The following SAMD12 variants were observed in gnomAD, a reference collection of about 807,000 sequenced individuals.
The protein encoded by SAMD12 is sterile alpha motif domain containing 12, also known as sterile alpha motif domain-containing protein 12.
Under a neutral mutation model 15.0 loss-of-function variants are expected in SAMD12, and 9 were observed. The ratio of observed to expected loss-of-function variants is 0.60; its 90% CI spans 0.36 to 1.05. SAMD12 has a LOEUF of 1.05. Among genes scored for constraint, SAMD12 ranks in the 50% least tolerant of loss-of-function variants. SAMD12 has a pLI of 0.01. For missense variants in SAMD12, 230 were observed against 234.2 expected (o/e 0.98, Z 0.12); for synonymous variants, 86 against 90.1 (o/e 0.96, Z 0.25).
chr8:118,326,730 G>A (rs1816582609), intron 4 of SAMD12, among the ~76,000 whole-genome samples: 1 of 152,114 alleles, frequency 6.6e-6, no homozygotes, highest in Non-Finnish European at 1.5e-5. Context: ...GATACTTTGT[G>A]GCAATGGGGT....
At chr8:118,208,171 C>T (rs1819919741) in intron 4 of SAMD12, among the ~76,000 whole-genome samples, 1 of 152,066 alleles carries the variant, frequency 6.6e-6, no homozygotes, top group Non-Finnish European at 1.5e-5. Context: ...GCAGGAGACT[C>T]ACTTGAACTC....
intron 3 of SAMD12, among the ~76,000 whole-genome samples, chr8:118,398,017 G>A (rs1403359900): frequency 6.6e-6 from 1 of 152,144 alleles, no homozygotes; most frequent in Non-Finnish European, 1.5e-5. Flanking sequence ...TCAAACTCCT[G>A]GGCTCAGGTG....
At chr8:118,544,062 T>TA (rs1420072538) in intron 2 of SAMD12, among the ~76,000 whole-genome samples, 1 of 148,106 alleles carries the variant, frequency 6.8e-6, no homozygotes, top group Non-Finnish European at 1.5e-5. Flanking sequence ...CAATCCACCC[T>TA]ACCCATCCCA....
the SAMD12 span, among the ~76,000 whole-genome samples, chr8:118,162,555 G>A: frequency 6.6e-6 from 1 of 151,936 alleles, no homozygotes; most frequent in East Asian, 1.9e-4. Context: ...AGATCCTGAT[G>A]ACTTATTCAG....
At chr8:118,473,591 G>T (rs1823869328) in intron 2 of SAMD12, among the ~76,000 whole-genome samples, 1 of 152,044 alleles carries the variant, frequency 6.6e-6, no homozygotes, top group Non-Finnish European at 1.5e-5. Context: ...GTCCACCAAG[G>T]CATATGAGAC....
At chr8:118,375,686 C>A (rs944390230), downstream of SAMD12, 4 of 152,000 alleles carry the variant, frequency 2.6e-5, 1 homozygote, top group Admixed American at 2.6e-4. Flanking sequence ...AAAATTCACC[C>A]TTTTTCCTTC....
At chr8:118,271,090 G>T (rs539443538) in intron 4 of SAMD12, among the ~76,000 whole-genome samples, 2 of 152,060 alleles carry the variant, frequency 1.3e-5, no homozygotes. Flanking sequence ...AGGCTAAGAG[G>T]GGGTATATTA....
intron 1 of SAMD12, among the ~76,000 whole-genome samples, chr8:118,586,645 C>T (rs1318432070): frequency 2.0e-5 from 3 of 152,138 alleles, no homozygotes; most frequent in Non-Finnish European, 4.4e-5. Flanking sequence ...GCCCAGCCAC[C>T]TCTTTTTCTT....
intron 4 of SAMD12, among the ~76,000 whole-genome samples, chr8:118,332,586 G>C (rs749900434): frequency 2.1e-4 from 32 of 152,364 alleles, no homozygotes; most frequent in Middle Eastern, 3.4e-3. Context: ...AAGGAGCCCT[G>C]GGATGATGGC....
rs55959055 is a variant in SAMD12 at position 118,318,310 on chromosome 8, GTATATATATATATATATA to G, written c.433+61232_433+61249del. On this transcript the variant is annotated intron_variant, in intron 4 of 4. Transcript: ENST00000409003. ...TTAAAAAAATATGGGAGATATATGT[GTATATATATATATATATA>G]TATATATATATATATATATATATAT... 5.2e-3 allele frequency among the ~76,000 whole-genome samples: 593 copies of G among 113,250 alleles called. 6 individuals carry two copies. Among genetic ancestry groups the G allele is most frequent in the South Asian group, 9.3e-3 (29 of 3,128 alleles). 74.3% of individuals were successfully genotyped at this position (113,250 alleles called of 152,430 possible).
At chr8:118,568,986 T>C (rs115243211) in intron 2 of SAMD12, among the ~76,000 whole-genome samples, 2,615 of 152,306 alleles carry the variant, frequency 0.017, 77 homozygotes, top group African/African-American at 0.06. Context: ...TAAATAGGTA[T>C]TCTTATTAAT....
rs1465171480 is a variant in SAMD12 at position 118,580,830 on chromosome 8, A to G, written c.77T>C (p.Leu26Pro). 1.9e-6 allele frequency: 3 copies of G among 1,613,228 alleles called. No individual in the cohort carries two copies. Among genetic ancestry groups the G allele is most frequent in the South Asian group, 1.1e-5 (1 of 91,052 alleles). ...DHPAHAEGIK[L>P]QIEGEGVESQ... The stretch of plus-strand genomic sequence containing the variant: ...TTCCACACCTTCACCTTCAATTTGC[A>G]GTTTAATACCTTCAGCATGGGCAGG... Residue 26 changes from leucine (L) to proline (P), a missense_variant, in exon 2 of 4, where the codon CTG (leucine) becomes CCG (proline). Physicochemically the swap from Leu to Pro is moderately conservative, Grantham distance 98 (BLOSUM62 -3). Transcript: ENST00000314727.
chr8:118,448,018 G>A (rs1281368315), intron 2 of SAMD12, among the ~76,000 whole-genome samples: 5 of 152,216 alleles, frequency 3.3e-5, no homozygotes, highest in Admixed American at 6.5e-5. Flanking sequence ...GTGAGCCACC[G>A]CGCCCAGCCT....
chr8:118,210,383 C>T (rs1004849505), intron 4 of SAMD12, among the ~76,000 whole-genome samples: 2 of 152,126 alleles, frequency 1.3e-5, no homozygotes, highest in African/African-American at 2.4e-5. Flanking sequence ...TGCACTTCCA[C>T]CTCCCTAAGG....
the SAMD12 span, among the ~76,000 whole-genome samples, chr8:118,182,754 G>A: frequency 6.6e-6 from 1 of 152,124 alleles, no homozygotes; most frequent in African/African-American, 2.4e-5. Context: ...GAACAAAAAA[G>A]GGTGTTTAAA....
chr8:118,376,233 G>T (rs765478829), downstream of SAMD12, among the ~76,000 whole-genome samples: 6 of 152,094 alleles, frequency 3.9e-5, no homozygotes, highest in Non-Finnish European at 8.8e-5. Flanking sequence ...CTTAAAATGC[G>T]TTGGTTAGTA....
chr8:118,342,272 C>T lies in SAMD12; in HGVS notation c.433+37288G>A, dbSNP rs180905143. Among the ~76,000 whole-genome samples the T allele has an allele frequency of 1.2e-3, 175 of 144,002 alleles. 1 individual carries two copies. The highest frequency in any genetic ancestry group is 4.3e-3 in the African/African-American group (162 of 37,810). The allele number at this position is 144,002 out of a possible 152,430, so 94.5% of individuals were successfully genotyped here. On this transcript the variant is annotated intron_variant, in intron 4 of 4. Coordinates refer to the SAMD12 transcript ENST00000409003. Reference sequence around the variant, plus strand: ...ATGCCACACTGCACACCAGCCTGGGCGACAGAGCAAGACTTTGTCTCAAAA... The same window carrying T: ...ATGCCACACTGCACACCAGCCTGGGTGACAGAGCAAGACTTTGTCTCAAAA...
intron 4 of SAMD12, among the ~76,000 whole-genome samples, chr8:118,235,178 C>G (rs1229519846): frequency 1.3e-5 from 2 of 151,950 alleles, no homozygotes; most frequent in South Asian, 2.1e-4. Flanking sequence ...AAATAACATA[C>G]ATTTATATGG....
At chr8:118,180,942 T>C in the SAMD12 span, among the ~76,000 whole-genome samples, 2 of 152,230 alleles carry the variant, frequency 1.3e-5, no homozygotes, top group African/African-American at 4.8e-5. Context: ...GCCTGAGTAC[T>C]GTGGGGGAAC....
Sources: gnomAD v4.1 joint callset for allele counts (sites outside exome capture counted in the v4.1 genomes callset) on GRCh38, gnomAD v4.1.1 for gene constraint, MANE v1.5 for transcripts, NCBI Gene and HGNC (gene_info 2026-07-23, HGNC 2026-07-21) for gene names.